ZNF469: variants seen among roughly 807,000 people sequenced by gnomAD.
ZNF469 encodes zinc finger protein 469.
A neutral mutation model predicts 1.0 loss-of-function variants in ZNF469; 1 was observed. The ratio of observed to expected loss-of-function variants is 1.00; its 90% CI spans 0.35 to 4.73. ZNF469 has a LOEUF of 4.73. Ranked by LOEUF, ZNF469 falls within the 30% of genes most tolerant of loss-of-function variation. ZNF469 has a pLI of 0.16. For synonymous variants in ZNF469, 2,703 were observed against 2,363.4 expected, an observed-to-expected ratio of 1.14 and a Z score of -4.17; for missense variants, 6,100 against 5,356.3, an observed-to-expected ratio of 1.14 and a Z score of -4.33.
At chr16:88,193,012 ATGGTGG>A in the ZNF469 span, among the ~76,000 whole-genome samples, 3 of 10,300 alleles carry the variant, frequency 2.9e-4, no homozygotes, top group South Asian at 4.2e-3. Flanking sequence ...GATGGTGGTG[ATGGTGG>A]TGGTGGTGAT....
chr16:88,378,811 G>A (rs532777193), upstream of ZNF469, among the ~76,000 whole-genome samples: 1 of 152,336 alleles, frequency 6.6e-6, no homozygotes, highest in South Asian at 2.1e-4. Flanking sequence ...GAGATCACAG[G>A]TGAAGCTTGC....
the ZNF469 span, among the ~76,000 whole-genome samples, chr16:88,262,060 CTA>C: frequency 6.6e-6 from 1 of 152,202 alleles, no homozygotes; most frequent in East Asian, 1.9e-4. The surrounding 1 kb of genome is among the most constrained non-coding windows in gnomAD (Gnocchi z 4.3). Flanking sequence ...CGAGGCCGAT[CTA>C]CGAGTGACAA....
chr16:88,432,298 C>T lies in ZNF469; in HGVS notation c.4828C>T (p.Arg1610Cys), dbSNP rs1457556706. Residue 1610 changes from arginine (R) to cysteine (C), a missense_variant, in exon 3 of 3, where the codon CGC (arginine) becomes TGC (cysteine). By Grantham distance (180) the Arg-to-Cys change is radical (BLOSUM62 -3). Transcript: ENST00000565624. The part of the protein sequence containing the change: ...GTGTEPPSQR[R>C]TCQATVPHED... Reference sequence around the variant, plus strand: ...AGGCACAGAGCCACCCTCCCAACGGCGCACCTGCCAGGCCACCGTGCCCCA... The same window carrying T: ...AGGCACAGAGCCACCCTCCCAACGGTGCACCTGCCAGGCCACCGTGCCCCA... 1.9e-6 allele frequency: 3 copies of T among 1,547,050 alleles called. No individual in the cohort carries two copies. The highest frequency in any genetic ancestry group is 2.6e-6 in the Non-Finnish European group (3 of 1,146,978).
chr16:88,302,259 C>G, the ZNF469 span, among the ~76,000 whole-genome samples: 24 of 152,202 alleles, frequency 1.6e-4, no homozygotes, highest in African/African-American at 5.5e-4. Flanking sequence ...GGGAATCAGC[C>G]TCTTATGAAA....
chr16:88,397,074 G>C (rs1196530997), intron 1 of ZNF469, among the ~76,000 whole-genome samples: 3 of 151,926 alleles, frequency 2.0e-5, no homozygotes, highest in Non-Finnish European at 2.9e-5. Context: ...CTTCTGAAGG[G>C]AGGCCAGGCA....
chr16:88,307,573 AT>A, the ZNF469 span, among the ~76,000 whole-genome samples: 5 of 152,072 alleles, frequency 3.3e-5, no homozygotes, highest in Admixed American at 3.3e-4. Flanking sequence ...TGTGGTTTTG[AT>A]TTGCCTTTCC....
At chr16:88,156,351 GC>G in the ZNF469 span, among the ~76,000 whole-genome samples, 1 of 152,120 alleles carries the variant, frequency 6.6e-6, no homozygotes, top group Non-Finnish European at 1.5e-5. Flanking sequence ...TTCTTCTAAG[GC>G]TTTTATAGTC....
Position 88,434,119 on chromosome 16 carries a change from G to A in ZNF469, c.6649G>A (p.Gly2217Arg), listed in dbSNP as rs1906396481. ...KEALAGCLLQ[G>R]EGSPLEDPSS... Reference sequence around the variant, plus strand: ...AGCCCTGGCTGGTTGCCTTCTCCAGGGGGAGGGCAGCCCCCTGGAAGACCC... The same window carrying A: ...AGCCCTGGCTGGTTGCCTTCTCCAGAGGGAGGGCAGCCCCCTGGAAGACCC... The change falls in exon 3 of 3, where the codon GGG (glycine) becomes AGG (arginine). Residue 2217 changes from glycine to arginine, a missense_variant. By Grantham distance (125) the Gly-to-Arg change is moderately radical (BLOSUM62 -2). Coordinates refer to ENST00000565624, the MANE Select transcript of ZNF469 (RefSeq NM_001367624.2). 1.3e-6 allele frequency: 2 copies of A among 1,550,344 alleles called. No individual in the cohort carries two copies. Among genetic ancestry groups the A allele is most frequent in the Non-Finnish European group, 1.7e-6 (2 of 1,146,964 alleles).
the ZNF469 span, among the ~76,000 whole-genome samples, chr16:88,126,267 A>G: frequency 7.2e-6 from 1 of 139,402 alleles, no homozygotes; most frequent in East Asian, 2.1e-4. Context: ...ATGCAGTTTT[A>G]TTTCTTCCTC....
Position 88,438,787 on chromosome 16 carries a change from C to T in ZNF469, c.11317C>T (p.Arg3773Trp), listed in dbSNP as rs976249492. Residue 3773 changes from arginine to tryptophan, a missense_variant, in exon 3 of 3, where the codon CGG (arginine) becomes TGG (tryptophan). By Grantham distance (101) the Arg-to-Trp change is moderately radical. Coordinates refer to ENST00000565624, the MANE Select transcript of ZNF469 (RefSeq NM_001367624.2). ...TTPAKPSFPS[R>W]SPAPERLPAR... ...CCCAGCCAAGCCCAGCTTCCCCAGC[C>T]GGAGCCCTGCACCAGAGAGGCTCCC... The T allele has an allele frequency of 2.8e-5, 43 of 1,550,080 alleles. No individual in the cohort carries two copies. Among genetic ancestry groups the T allele is most frequent in the East Asian group, 1.7e-4 (7 of 40,918 alleles).
intron 1 of ZNF469, among the ~76,000 whole-genome samples, chr16:88,422,875 AATGGATGG>A (rs1360418465): frequency 1.3e-5 from 1 of 75,138 alleles, no homozygotes; most frequent in Non-Finnish European, 2.7e-5. Context: ...TGGATGAGTG[AATGGATGG>A]ATGGATGGAT....
chr16:88,301,517 G>A, the ZNF469 span, among the ~76,000 whole-genome samples: 9 of 152,318 alleles, frequency 5.9e-5, no homozygotes, highest in East Asian at 1.4e-3. Context: ...GTGAACAGTG[G>A]GATGCAGAGG....
At chr16:88,400,340 C>G (rs1281702125) in intron 1 of ZNF469, among the ~76,000 whole-genome samples, 2 of 151,926 alleles carry the variant, frequency 1.3e-5, no homozygotes, top group Non-Finnish European at 1.5e-5. Flanking sequence ...AGCTTGAAGC[C>G]CTGCTGCAAA....
chr16:88,193,126 GT>G, the ZNF469 span, among the ~76,000 whole-genome samples: 2 of 5,438 alleles, frequency 3.7e-4, no homozygotes, highest in African/African-American at 1.5e-3. Context: ...GATGGTGGTG[GT>G]GGTGATGGTG....
chr16:88,269,315 C>T, the ZNF469 span, among the ~76,000 whole-genome samples: 1 of 152,106 alleles, frequency 6.6e-6, no homozygotes, highest in African/African-American at 2.4e-5. Context: ...GTGGGTGCAC[C>T]CAGGCGGCCG....
At chr16:88,263,273 C>G in the ZNF469 span, among the ~76,000 whole-genome samples, 7 of 152,176 alleles carry the variant, frequency 4.6e-5, no homozygotes, top group Admixed American at 1.3e-4. Context: ...AGAAAACGAA[C>G]TAGGGGATTG....
At chr16:88,198,382 T>C in the ZNF469 span, among the ~76,000 whole-genome samples, 1 of 152,112 alleles carries the variant, frequency 6.6e-6, no homozygotes, top group Non-Finnish European at 1.5e-5. Flanking sequence ...TAAAGCCTCC[T>C]CCGGTGGGGG....
At chr16:88,119,241 C>T in the ZNF469 span, among the ~76,000 whole-genome samples, 1 of 152,184 alleles carries the variant, frequency 6.6e-6, no homozygotes, top group Admixed American at 6.5e-5. Context: ...TCTGGGCACC[C>T]TGGGAAGCGG....
chr16:88,229,703 ACGTGTGTGCTGATGTCACG>A, the ZNF469 span, among the ~76,000 whole-genome samples: 1 of 148,594 alleles, frequency 6.7e-6, no homozygotes, highest in East Asian at 2.0e-4. Flanking sequence ...TGGATGTCAC[ACGTGTGTGCTGATGTCACG>A]CGTGTGGATG....
Sources: gnomAD v4.1 joint callset for allele counts (sites outside exome capture counted in the v4.1 genomes callset) on GRCh38, gnomAD v4.1.1 for gene constraint, Gnocchi (gnomAD v3.1) non-coding constraint, MANE v1.5 for transcripts, NCBI Gene and HGNC (gene_info 2026-07-23, HGNC 2026-07-21) for gene names.